The following OTOF variants were observed in gnomAD, a reference collection of about 807,000 sequenced individuals.
OTOF encodes otoferlin.
In OTOF, 218 loss-of-function variants were observed where a neutral mutation model predicts 236.8. The ratio of observed to expected loss-of-function variants is 0.92; its 90% CI spans 0.82 to 1.03. The LOEUF is 1.03. OTOF is among the 50% of genes least tolerant of loss of function. The pLI is 0.00. For missense variants in OTOF, 2,590 were observed against 2,694.4 expected (o/e 0.96, Z 0.86); for synonymous variants, 1,041 against 1,072.5 (o/e 0.97, Z 0.57).
intron 5 of OTOF, among the ~76,000 whole-genome samples, chr2:26,507,296 A>G (rs997741698): frequency 6.6e-6 from 1 of 152,224 alleles, no homozygotes. Context: ...GCATGATGTC[A>G]TCACTGCCAC....
At chr2:26,490,665 C>G (rs969086535) in intron 9 of OTOF, among the ~76,000 whole-genome samples, 1 of 152,190 alleles carries the variant, frequency 6.6e-6, no homozygotes, top group Non-Finnish European at 1.5e-5. Context: ...GCTTCAGAGC[C>G]AGCCCCACCT....
At chr2:26,547,906 T>C (rs143462396) in intron 1 of OTOF, among the ~76,000 whole-genome samples, 90 of 152,324 alleles carry the variant, frequency 5.9e-4, no homozygotes, top group African/African-American at 2.0e-3. Context: ...GAAGTTTTCT[T>C]TGTGGAAGGA....
intron 5 of OTOF, among the ~76,000 whole-genome samples, 166 bp from the exon 6 acceptor site, chr2:26,504,011 G>A (rs1666185815): frequency 1.3e-5 from 2 of 152,148 alleles, no homozygotes; most frequent in African/African-American, 2.4e-5. Flanking sequence ...CCCAAATTGG[G>A]AGCCAGGAGG....
chr2:26,511,515 G>T (rs997962091), intron 5 of OTOF, among the ~76,000 whole-genome samples: 7 of 152,236 alleles, frequency 4.6e-5, no homozygotes, highest in Non-Finnish European at 1.0e-4. Context: ...ACCCTGTTCT[G>T]GCACAGGCCT....
At chr2:26,476,388 G>A in intron 22 of OTOF, 71 bp from the exon 23 acceptor site, 2 of 1,418,284 alleles carry the variant, frequency 1.4e-6, no homozygotes, top group Non-Finnish European at 1.9e-6. Context: ...AGGGGCAGGG[G>A]CCGGCAGAGG....
chr2:26,551,504 C>A (rs952909645), intron 1 of OTOF, among the ~76,000 whole-genome samples: 1 of 152,178 alleles, frequency 6.6e-6, no homozygotes, highest in African/African-American at 2.4e-5. Context: ...GGCTTCCCCC[C>A]ATCCTGGGCT....
rs756989583 is a variant in OTOF, at chr2:26,461,834, A to G, written c.5395T>C (p.Tyr1799His). 9 of 1,614,196 alleles carry G rather than the reference A, an allele frequency of 5.6e-6. No homozygotes were observed. Among genetic ancestry groups the G allele is most frequent in the Non-Finnish European group, 7.6e-6 (9 of 1,180,022 alleles). Reference protein sequence around the residue: ...FNWRYLFPFDYLAAEEKIVIS... With the variant: ...FNWRYLFPFDHLAAEEKIVIS... ...ACGATCTTCTCCTCCGCCGCCAGGT[A>G]GTCGAAGGGGAACAGGTAGCGCCAG... Residue 1799 changes from tyrosine (Y) to histidine (H), a missense_variant, in exon 43 of 47, where the codon TAC becomes CAC. Transcript: ENST00000272371. The surrounding 1 kb of genome is among the most constrained non-coding windows in gnomAD (Gnocchi z 6.2).
At chr2:26,476,673 C>CCCCCACCCCTTCCCCCACCTCCTT (rs1553352376) in intron 22 of OTOF, among the ~76,000 whole-genome samples, 2 of 18,884 alleles carry the variant, frequency 1.1e-4, no homozygotes, top group African/African-American at 7.7e-4. Context: ...CCCACCCCTT[C>CCCCCACCCCTTCCCCCACCTCCTT]CCCCACCCCT....
chr2:26,495,853 C>G (rs1428810731), intron 8 of OTOF, among the ~76,000 whole-genome samples: 2 of 152,240 alleles, frequency 1.3e-5, no homozygotes, highest in Non-Finnish European at 2.9e-5. Flanking sequence ...AGGAATAAAG[C>G]TTTCAAAGTC....
intron 11 of OTOF, 29 bp downstream of exon 11, chr2:26,489,182 C>A: frequency 6.5e-7 from 1 of 1,546,270 alleles, no homozygotes; most frequent in Non-Finnish European, 8.9e-7. Context: ...ATGCACACCT[C>A]GACTGACTGG....
chr2:26,517,106 C>T (rs903460367), intron 4 of OTOF, among the ~76,000 whole-genome samples: 1 of 152,186 alleles, frequency 6.6e-6, no homozygotes, highest in African/African-American at 2.4e-5. Context: ...CTCACCCTTC[C>T]TACCCTGGAG....
rs147274757 is a variant in OTOF, at chr2:26,530,565, C to T, written c.139-2645G>A. ...TTCTTCGGTCTCTGACTTGCTCCCA[C>T]CTTACAGTTTCCTTTCTTTCCTCCC... On this transcript the variant is annotated intron_variant, in intron 2 of 46. Coordinates refer to ENST00000272371, the MANE Select transcript of OTOF (RefSeq NM_194248.3). Among the ~76,000 whole-genome samples, 5 of 152,288 alleles carry T rather than the reference C, an allele frequency of 3.3e-5. No individual in the cohort carries two copies. The East Asian group carries it at 9.6e-4, about 29-fold the overall frequency.
At chr2:26,472,968 C>A (rs1665066964) in intron 29 of OTOF, among the ~76,000 whole-genome samples, 164 bp downstream of exon 29, 1 of 152,250 alleles carries the variant, frequency 6.6e-6, no homozygotes, top group Non-Finnish European at 1.5e-5. Context: ...GAGCTGGCGT[C>A]ACCTTGGGCA....
intron 24 of OTOF, 115 bp downstream of exon 24, chr2:26,475,799 G>C: frequency 7.3e-7 from 1 of 1,361,912 alleles, no homozygotes; most frequent in Non-Finnish European, 1.0e-6. Context: ...GGCACTGGCT[G>C]ACCTGTGGCT....
chr2:26,463,999 G>T lies in OTOF; in HGVS notation c.5068C>A (p.Pro1690Thr). 1.2e-6 allele frequency: 2 copies of T among 1,613,770 alleles called. No individual in the cohort carries two copies. Among genetic ancestry groups the T allele is most frequent in the Non-Finnish European group, 1.7e-6 (2 of 1,180,032 alleles). Residue 1690 changes from proline (P) to threonine (T), a missense_variant, in exon 40 of 47, where the codon CCG becomes ACG. Around this residue, in one of 2 missense-constraint regions of OTOF, gnomAD observed 1,211 missense variants for 1,352.8 expected, o/e 0.90. Coordinates refer to ENST00000272371, the MANE Select transcript of OTOF (RefSeq NM_194248.3). ...CCCGGCTTGTCGGGGTTGAGCAGCG[G>T]CCTCGTCTCCACATGCTCTGGCACC... The part of the protein sequence containing the change: ...RLVPEHVETR[P>T]LLNPDKPGIE...
rs2148056777 is a variant in OTOF at position 26,480,732 on chromosome 2, A to G, written c.1803+54T>C. Reference sequence around the variant, plus strand: ...AGCCTGGGACCCAGGTGACTCAGGGAGAAGGGGGCTGAGCTGGAGGCCCTG... The same window carrying G: ...AGCCTGGGACCCAGGTGACTCAGGGGGAAGGGGGCTGAGCTGGAGGCCCTG... On this transcript the variant is annotated intron_variant, in intron 15 of 46. Transcript: ENST00000272371. The G allele has an allele frequency of 1.3e-5, 19 of 1,456,260 alleles. No individual in the cohort carries two copies. The South Asian group carries it at 1.6e-4, about 12-fold the overall frequency. The allele number at this position is 1,456,260 out of a possible 1,614,324, so 90.2% of individuals were successfully genotyped here. A position where few individuals can be genotyped will look rare whatever the true frequency, so the allele number is the denominator to read the frequency against.
rs1366876890 is a variant in OTOF at position 26,460,131 on chromosome 2, C to T, written c.5888G>A (p.Arg1963His). 12 of 1,598,052 alleles carry T rather than the reference C, an allele frequency of 7.5e-6. No individual in the cohort carries two copies. The highest frequency in any genetic ancestry group is 1.9e-4 in the Middle Eastern group (1 of 5,324). ...CAGCAACAGTTTGAGGAGCAGCCAG[C>T]GATACGTGTGCCACAAGAAGTAGCG... is the stretch of plus-strand genomic sequence containing the variant. ...SARYFLWHTY[R>H]WLLLKLLLLL... The change falls in exon 46 of 47, where the codon CGC becomes CAC. Residue 1963 changes from arginine (R) to histidine (H), a missense_variant. Physicochemically the swap from Arg to His is conservative, Grantham distance 29 (BLOSUM62 0). Coordinates refer to ENST00000272371, the MANE Select transcript of OTOF (RefSeq NM_194248.3). The surrounding 1 kb of genome is among the most constrained non-coding windows in gnomAD (Gnocchi z 5.3).
intron 1 of OTOF, among the ~76,000 whole-genome samples, chr2:26,546,068 TA>T (rs1180578334): frequency 6.6e-6 from 1 of 152,178 alleles, no homozygotes; most frequent in Admixed American, 6.5e-5. Flanking sequence ...AATGATAACA[TA>T]AACAGCCAAT....
At chr2:26,472,482 T>C in intron 30 of OTOF, 37 bp downstream of exon 30, 1 of 1,612,784 alleles carries the variant, frequency 6.2e-7, no homozygotes, top group Non-Finnish European at 8.5e-7. Context: ...AAGTTGCATG[T>C]TCCCAGCCAG....
Sources: gnomAD v4.1 joint callset for allele counts (sites outside exome capture counted in the v4.1 genomes callset) on GRCh38, gnomAD v4.1.1 for gene constraint, gnomAD v4.1.1 regional missense constraint, Gnocchi (gnomAD v3.1) non-coding constraint, MANE v1.5 for transcripts, NCBI Gene and HGNC (gene_info 2026-07-23, HGNC 2026-07-21) for gene names.